The following MSI1 variants were observed in gnomAD, a reference collection of about 807,000 sequenced individuals.
MSI1 encodes musashi RNA binding protein 1.
Under a neutral mutation model 54.4 loss-of-function variants are expected in MSI1, and 15 were observed. The ratio of observed to expected loss-of-function variants is 0.28; its 90% CI spans 0.18 to 0.42. The LOEUF is 0.42. Ranked by LOEUF, MSI1 falls within the 20% of genes least tolerant of loss-of-function variation. The probability of loss-of-function intolerance (pLI) is 1.00; values close to 1 mark genes in which losing one functional copy is unlikely to be tolerated. For synonymous variants in MSI1, 200 were observed against 196.5 expected (o/e 1.02, Z -0.15); for missense variants, 304 against 506.0 (o/e 0.60, Z 3.83).
rs761676109 is a variant in MSI1 at position 120,347,494 on chromosome 12, C to T, written c.811G>A (p.Gly271Arg). 11 of 1,613,994 alleles carry T rather than the reference C, an allele frequency of 6.8e-6. No individual in the cohort carries two copies. Among genetic ancestry groups the T allele is most frequent in the African/African-American group, 2.7e-5 (2 of 74,926 alleles). ...GCCGCCGCTGCCGCCGCCATTGGTC[C>T]GTAGGCAGTGAGAGGAATGGCTGAA... ...ELTAIPLTAYGPMAAAAAAAA... is the reference protein window; with the variant it reads ...ELTAIPLTAYRPMAAAAAAAA... The change falls in exon 12 of 15, where the codon GGA becomes AGA. Residue 271 changes from glycine to arginine, a missense_variant. Coordinates refer to ENST00000257552, the MANE Select transcript of MSI1 (RefSeq NM_002442.4).
rs1199311157 is a variant in MSI1 at position 120,368,929 on chromosome 12, A to C, written c.60-56T>G. On this transcript the variant is annotated intron_variant, in intron 1 of 14. Transcript: ENST00000257552. This position sits in a 1 kb window ranked among gnomAD's most constrained non-coding sequence, Gnocchi z 6.6. The stretch of plus-strand genomic sequence containing the variant: ...GCGTGAGCGCCGGGCGCCAGGGCGC[A>C]GGGGGCGCGGGCCCGGGCTCCGGGG... The C allele has an allele frequency of 1.8e-5, 23 of 1,306,050 alleles. No homozygotes were observed. In the East Asian group the frequency reaches 8.5e-4, roughly 48 times the overall value. 80.9% of individuals were successfully genotyped at this position (1,306,050 alleles called of 1,614,324 possible). A position where few individuals can be genotyped will look rare whatever the true frequency, so the allele number is the denominator to read the frequency against.
intron 5 of MSI1, among the ~76,000 whole-genome samples, chr12:120,363,808 T>C (rs1329126774): frequency 6.6e-6 from 1 of 152,130 alleles, no homozygotes; most frequent in Non-Finnish European, 1.5e-5. Context: ...CCCTTTCCTG[T>C]CTCCCAAAAC....
chr12:120,345,938 T>G (rs1437186084), intron 13 of MSI1, among the ~76,000 whole-genome samples, 197 bp downstream of exon 13: 1 of 152,192 alleles, frequency 6.6e-6, no homozygotes, highest in East Asian at 1.9e-4. Flanking sequence ...CCACTATGCC[T>G]GGCATTCAGA....
intron 4 of MSI1, among the ~76,000 whole-genome samples, chr12:120,366,571 G>A (rs1489941464): frequency 2.6e-5 from 4 of 151,880 alleles, no homozygotes; most frequent in Non-Finnish European, 5.9e-5. Flanking sequence ...ACAGACCCAC[G>A]CACACCCCAT....
In MSI1 at chr12:120,363,084, T is replaced by C; in HGVS notation, c.361A>G (p.Thr121Ala). 1 of 1,614,098 alleles carries C rather than the reference T, an allele frequency of 6.2e-7. No individual in the cohort carries two copies. Among genetic ancestry groups the C allele is most frequent in the Non-Finnish European group, 8.5e-7 (1 of 1,179,992 alleles). Residue 121 changes from threonine (T) to alanine (A), a missense_variant, in exon 6 of 15, where the codon ACG becomes GCG. Thr to Ala is a moderately conservative substitution (Grantham distance 58). Transcript: ENST00000257552. ...IFVGGLSVNT[T>A]VEDVKQYFEQ... ...AAATATTGCTTCACGTCCTCCACCG[T>C]GGTGTTCACCGACAGCCCCCCCACA...
At position 120,347,534 on chromosome 12, in the gene MSI1, C is replaced by T. The variant is rs1292326555; in HGVS notation, c.791-20G>A. The stretch of plus-strand genomic sequence containing the variant: ...GAATGGCTGAAAGGAAAGGGATGGG[C>T]ACATCAGCATGGCGGTGAGGGGCAG... On this transcript the variant is annotated intron_variant, in intron 11 of 14. Coordinates refer to ENST00000257552, the MANE Select transcript of MSI1 (RefSeq NM_002442.4). 6.2e-7 allele frequency: 1 copy of T among 1,613,986 alleles called. No individual in the cohort carries two copies. Among genetic ancestry groups the T allele is most frequent in the East Asian group, 2.2e-5 (1 of 44,878 alleles).
chr12:120,351,218 T>C (rs1874568662), intron 11 of MSI1, 126 bp downstream of exon 11: 1 of 926,668 alleles, frequency 1.1e-6, no homozygotes, highest in Non-Finnish European at 1.7e-6. Flanking sequence ...GTCTGCTGTG[T>C]CCCCACAGCC....
At chr12:120,348,884 A>G (rs73416934) in intron 11 of MSI1, among the ~76,000 whole-genome samples, 34,541 of 151,674 alleles carry the variant, frequency 0.23, 4,994 homozygotes, top group African/African-American at 0.42. Context: ...CAAGAGCACA[A>G]CTTCATCTCA....
chr12:120,348,555 C>T (rs1378836450), intron 11 of MSI1, among the ~76,000 whole-genome samples: 6 of 148,410 alleles, frequency 4.0e-5, no homozygotes, highest in Admixed American at 3.4e-4. Context: ...CCAAAAATAT[C>T]TTTTTTTTTT....
chr12:120,366,704 C>T (rs1311046968), intron 4 of MSI1, among the ~76,000 whole-genome samples: 1 of 152,192 alleles, frequency 6.6e-6, no homozygotes, highest in Non-Finnish European at 1.5e-5. Flanking sequence ...CCCTCCCACC[C>T]CCTTTCCCAG....
At chr12:120,357,740 A>G in intron 8 of MSI1, 76 bp downstream of exon 8, 1 of 1,417,074 alleles carries the variant, frequency 7.1e-7, no homozygotes, top group African/African-American at 1.4e-5. Flanking sequence ...TCCTGACCTC[A>G]TGTAATCTGC....
rs767649385 is a variant in MSI1 at position 120,353,431 on chromosome 12, G to T, written c.653-52C>A. The T allele has an allele frequency of 4.3e-5, 66 of 1,541,406 alleles. No homozygotes were observed. In the South Asian group the frequency reaches 7.3e-4, roughly 17 times the overall value. On this transcript the variant is annotated intron_variant, in intron 9 of 14. Coordinates refer to ENST00000257552, the MANE Select transcript of MSI1 (RefSeq NM_002442.4). The stretch of plus-strand genomic sequence containing the variant: ...ATGGCTCATCCACAGGGCGGATCCT[G>T]ATCATGGAGAAGGACCTGAGCCACT...
At chr12:120,364,591 C>G in intron 5 of MSI1, 123 bp downstream of exon 5, 1 of 930,202 alleles carries the variant, frequency 1.1e-6, no homozygotes, top group Non-Finnish European at 1.6e-6. Context: ...CCAGCCCAGC[C>G]CATTCCACAA....
intron 9 of MSI1, among the ~76,000 whole-genome samples, chr12:120,353,844 C>T (rs1169415779): frequency 6.6e-6 from 1 of 152,220 alleles, no homozygotes; most frequent in African/African-American, 2.4e-5. Context: ...GACTACATGC[C>T]TGAGTCCCTC....
In MSI1 at chr12:120,353,215, C is replaced by T. The variant is rs942751996; in HGVS notation, c.733+84G>A. On this transcript the variant is annotated intron_variant, in intron 10 of 14. Transcript: ENST00000257552. ...TCCAGCAAGCAGACCCCCAGCCATG[C>T]ACCCCTAGACACCACCCTGAGAAGT... 8.3e-6 allele frequency: 11 copies of T among 1,319,548 alleles called. No individual in the cohort carries two copies. The African/African-American group carries it at 1.0e-4, about 12-fold the overall frequency. The allele number at this position is 1,319,548 out of a possible 1,614,324, so 81.7% of individuals were successfully genotyped here.
At chr12:120,353,423 C>A (rs766874148) in intron 9 of MSI1, 44 bp from the exon 10 acceptor site, 3 of 1,572,968 alleles carry the variant, frequency 1.9e-6, no homozygotes, top group Admixed American at 1.7e-5. Context: ...ATCCACAGGG[C>A]GGATCCTGAT....
chr12:120,362,534 G>T (rs556529902), intron 6 of MSI1, among the ~76,000 whole-genome samples: 1 of 152,244 alleles, frequency 6.6e-6, no homozygotes, highest in Non-Finnish European at 1.5e-5. Context: ...GCTCTCATCA[G>T]TTCCCCCCAA....
chr12:120,363,296 C>G (rs111891989), intron 5 of MSI1, among the ~76,000 whole-genome samples, 161 bp from the exon 6 acceptor site: 6,563 of 139,766 alleles, frequency 0.047, 191 homozygotes, highest in South Asian at 0.077. Flanking sequence ...GGACCCCCGC[C>G]TCTAGGCCTG....
Position 120,346,249 on chromosome 12 carries a change from G to A in MSI1, c.933C>T (p.Thr311=). Residue 311 remains threonine (T), a synonymous_variant, in exon 13 of 15, where the codon ACC becomes ACT. Transcript: ENST00000257552. ...AGAGCTCGGCCATGGGGCCGGGGCT[G>A]GTGGTCCCCAGGAAGCCCCCTGTGC... ...PSRTGGFLGT[T]SPGPMAELYG... 6.3e-7 allele frequency: 1 copy of A among 1,594,582 alleles called. No individual in the cohort carries two copies. Among genetic ancestry groups the A allele is most frequent in the South Asian group, 1.1e-5 (1 of 87,752 alleles).
Sources: allele counts gnomAD v4.1 joint callset (sites outside exome capture counted in the v4.1 genomes callset), GRCh38; gene constraint gnomAD v4.1.1; non-coding constraint Gnocchi (gnomAD v3.1); transcripts MANE v1.5; gene names NCBI Gene and HGNC (gene_info 2026-07-23, HGNC 2026-07-21).